IFT52: variants seen among roughly 807,000 people sequenced by gnomAD.
IFT52 encodes intraflagellar transport 52.
A neutral mutation model predicts 54.4 loss-of-function variants in IFT52; 44 were observed. The observed-to-expected ratio is 0.81, with a 90% confidence interval of 0.63 to 1.04. The LOEUF is 1.04. Among genes scored for constraint, IFT52 ranks in the 50% least tolerant of loss-of-function variants. IFT52 has a pLI of 0.00. For missense variants in IFT52, 452 were observed against 523.6 expected (o/e 0.86, Z 1.33); for synonymous variants, 181 against 185.3 (o/e 0.98, Z 0.19).
At chr20:43,635,266 T>C (rs1985449007) in intron 10 of IFT52, among the ~76,000 whole-genome samples, 1 of 151,944 alleles carries the variant, frequency 6.6e-6, no homozygotes. Context: ...TCTAGCGCCA[T>C]CCAAGTCCTT....
intron 7 of IFT52, among the ~76,000 whole-genome samples, chr20:43,614,218 G>A (rs545452114): frequency 6.6e-6 from 1 of 152,112 alleles, no homozygotes; most frequent in African/African-American, 2.4e-5. Context: ...TTCCACTGTA[G>A]CATGAGGCTA....
At chr20:43,606,176 G>A (rs908170798) in intron 6 of IFT52, among the ~76,000 whole-genome samples, 3 of 150,576 alleles carry the variant, frequency 2.0e-5, no homozygotes, top group East Asian at 2.0e-4. Flanking sequence ...AGCTGCCATC[G>A]TACCATTGCA....
chr20:43,611,553 C>T (rs1284218726), intron 6 of IFT52, among the ~76,000 whole-genome samples: 2 of 145,022 alleles, frequency 1.4e-5, no homozygotes, highest in Non-Finnish European at 3.0e-5. Flanking sequence ...AAGCAATTCT[C>T]CTGACTCCCG....
intron 10 of IFT52, among the ~76,000 whole-genome samples, chr20:43,628,985 G>A (rs936845262): frequency 1.3e-5 from 2 of 152,140 alleles, no homozygotes; most frequent in Non-Finnish European, 2.9e-5. Flanking sequence ...GGAGGTTAGA[G>A]GTTTTGGATC....
intron 12 of IFT52, among the ~76,000 whole-genome samples, chr20:43,639,918 A>G (rs1985800529): frequency 6.6e-6 from 1 of 152,074 alleles, no homozygotes; most frequent in Non-Finnish European, 1.5e-5. Context: ...GCTCACACCT[A>G]TAATCCCAGC....
chr20:43,643,131 C>A (rs922521891), intron 13 of IFT52, among the ~76,000 whole-genome samples: 1 of 149,164 alleles, frequency 6.7e-6, no homozygotes, highest in African/African-American at 2.5e-5. Context: ...CGTGCCGTTG[C>A]ACTCCAGCCT....
chr20:43,602,458 C>T (rs1028622112), intron 3 of IFT52, among the ~76,000 whole-genome samples: 18 of 151,642 alleles, frequency 1.2e-4, no homozygotes, highest in Non-Finnish European at 1.3e-4. Flanking sequence ...CACTGCACCC[C>T]GCCTTAATTT....
At chr20:43,629,847 G>A (rs1186288362) in intron 10 of IFT52, among the ~76,000 whole-genome samples, 1 of 152,158 alleles carries the variant, frequency 6.6e-6, no homozygotes, top group Non-Finnish European at 1.5e-5. Context: ...CAACCACAGT[G>A]AGGCTGTTAT....
chr20:43,630,239 C>T (rs893649067), intron 10 of IFT52, among the ~76,000 whole-genome samples: 1 of 152,206 alleles, frequency 6.6e-6, no homozygotes, highest in African/African-American at 2.4e-5. Flanking sequence ...CTCCGCTAGC[C>T]AGTTGCAGTC....
chr20:43,615,857 G>T (rs1983818223), intron 7 of IFT52, among the ~76,000 whole-genome samples: 1 of 152,174 alleles, frequency 6.6e-6, no homozygotes, highest in East Asian at 1.9e-4. Flanking sequence ...CACGAGAATC[G>T]CTTGAACCCA....
At chr20:43,606,486 C>G (rs919404911) in intron 6 of IFT52, among the ~76,000 whole-genome samples, 2 of 151,872 alleles carry the variant, frequency 1.3e-5, no homozygotes, top group African/African-American at 4.8e-5. Flanking sequence ...GTTGGTCAGG[C>G]TGGTCTTGAA....
Position 43,647,041 on chromosome 20 carries a change from C to A in IFT52, c.*58C>A. On this transcript the variant is annotated 3_prime_UTR_variant, in exon 14 of 14. Transcript: ENST00000373030. Reference sequence around the variant, plus strand: ...TGATTCTCTCTTTGTAAACTATTTTCAAATTGTTTTTCAACTCCTTATCAA... The same window carrying A: ...TGATTCTCTCTTTGTAAACTATTTTAAAATTGTTTTTCAACTCCTTATCAA... 3 of 1,475,604 alleles carry A rather than the reference C, an allele frequency of 2.0e-6. No individual in the cohort carries two copies. Among genetic ancestry groups the A allele is most frequent in the Middle Eastern group, 1.7e-4 (1 of 5,828 alleles). The allele number at this position is 1,475,604 out of a possible 1,614,324, so 91.4% of individuals were successfully genotyped here. A position where few individuals can be genotyped will look rare whatever the true frequency, so the allele number is the denominator to read the frequency against.
At chr20:43,626,055 T>G (rs1400751485) in intron 10 of IFT52, among the ~76,000 whole-genome samples, 1 of 145,684 alleles carries the variant, frequency 6.9e-6, no homozygotes, top group Non-Finnish European at 1.5e-5. Flanking sequence ...TTGCAATAAC[T>G]GAGTTGAGAA....
chr20:43,635,672 G>A (rs1985480218), intron 10 of IFT52, among the ~76,000 whole-genome samples: 1 of 152,152 alleles, frequency 6.6e-6, no homozygotes, highest in African/African-American at 2.4e-5. Flanking sequence ...ATCATTGATG[G>A]GCATTTGGGT....
intron 8 of IFT52, among the ~76,000 whole-genome samples, chr20:43,620,044 G>A (rs1025942943): frequency 4.0e-5 from 6 of 149,536 alleles, no homozygotes; most frequent in Non-Finnish European, 8.9e-5. Context: ...AGCCTCCTGA[G>A]TAGCTGGGAT....
At chr20:43,617,781 T>G (rs1983971721) in intron 7 of IFT52, among the ~76,000 whole-genome samples, 1 of 150,594 alleles carries the variant, frequency 6.6e-6, no homozygotes, top group Non-Finnish European at 1.5e-5. Context: ...CTTACTCTGT[T>G]GCCCAGGCTG....
chr20:43,628,778 G>C (rs1328577152), intron 10 of IFT52, among the ~76,000 whole-genome samples: 1 of 151,860 alleles, frequency 6.6e-6, no homozygotes, highest in Non-Finnish European at 1.5e-5. Context: ...TTGAACCTGG[G>C]AAGCAGAGGT....
intron 6 of IFT52, among the ~76,000 whole-genome samples, chr20:43,611,482 C>T (rs1425731412): frequency 3.1e-5 from 4 of 127,828 alleles, no homozygotes; most frequent in Non-Finnish European, 4.8e-5. Context: ...GACAGAGTTT[C>T]GCCCAGGCTG....
At position 43,619,038 on chromosome 20, in the gene IFT52, C is replaced by T; in HGVS notation, c.699+12C>T. On this transcript the variant is annotated intron_variant, in intron 8 of 13. Coordinates refer to ENST00000373030, the MANE Select transcript of IFT52 (RefSeq NM_016004.5). ...ACAGCAAAATCATGGTAAGCTTTTT[C>T]TTTTGTCATATTAATATACAATGTG... is the stretch of plus-strand genomic sequence containing the variant. The T allele has an allele frequency of 1.3e-6, 2 of 1,543,882 alleles. No individual in the cohort carries two copies. The highest frequency in any genetic ancestry group is 1.8e-6 in the Non-Finnish European group (2 of 1,117,640).
Sources: gnomAD v4.1 joint callset for allele counts (sites outside exome capture counted in the v4.1 genomes callset) on GRCh38, gnomAD v4.1.1 for gene constraint, MANE v1.5 for transcripts, NCBI Gene and HGNC (gene_info 2026-07-23, HGNC 2026-07-21) for gene names.